Variants in ZNF407 observed in about 807,000 individuals in gnomAD.
The protein encoded by ZNF407 is zinc finger protein 407.
Under a neutral mutation model 131.2 loss-of-function variants are expected in ZNF407, and 17 were observed. That is an observed-to-expected ratio of 0.13 (90% CI 0.09 to 0.19). The LOEUF (loss-of-function observed/expected upper bound fraction) is 0.19, where lower values mean the gene tolerates loss of function less well. Ranked by LOEUF, ZNF407 falls within the 10% of genes least tolerant of loss-of-function variation. The probability of loss-of-function intolerance (pLI) is 1.00; values close to 1 mark genes in which losing one functional copy is unlikely to be tolerated. For missense variants in ZNF407, 2,681 were observed against 2,830.6 expected (o/e 0.95, Z 1.20); for synonymous variants, 1,156 against 1,062.0 (o/e 1.09, Z -1.72).
intron 8 of ZNF407, among the ~76,000 whole-genome samples, chr18:75,032,241 G>T (rs1023742806): frequency 3.9e-5 from 6 of 152,162 alleles, no homozygotes; most frequent in African/African-American, 1.4e-4. Context: ...CGATCTGGGG[G>T]CTGTTCCGAT....
chr18:74,895,211 G>GTTT (rs561337093), intron 7 of ZNF407, among the ~76,000 whole-genome samples: 8 of 144,404 alleles, frequency 5.5e-5, no homozygotes, highest in Admixed American at 1.4e-4. Context: ...ATCTTAAGAG[G>GTTT]TTTTTTTTTT....
intron 4 of ZNF407, among the ~76,000 whole-genome samples, chr18:74,838,036 C>T (rs1568236342): frequency 6.6e-6 from 1 of 152,172 alleles, no homozygotes. Context: ...TTATTACTTA[C>T]AGATATTATG....
At chr18:74,808,072 G>A (rs1302648895) in intron 4 of ZNF407, among the ~76,000 whole-genome samples, 3 of 151,872 alleles carry the variant, frequency 2.0e-5, no homozygotes, top group African/African-American at 7.3e-5. Context: ...GGAGTTCGAT[G>A]GCGCGATCTC....
At chr18:74,963,212 G>C (rs1244507834) in intron 8 of ZNF407, among the ~76,000 whole-genome samples, 2 of 150,492 alleles carry the variant, frequency 1.3e-5, no homozygotes, top group Non-Finnish European at 2.9e-5. Flanking sequence ...AAACCATTGG[G>C]TTATGCATTG....
intron 8 of ZNF407, among the ~76,000 whole-genome samples, chr18:74,921,828 G>T (rs976993224): frequency 6.6e-6 from 1 of 152,146 alleles, no homozygotes; most frequent in Non-Finnish European, 1.5e-5. Context: ...CACCAGAAAT[G>T]CGAGGTTCCA....
At chr18:74,650,894 G>A (rs2144709388) in intron 3 of ZNF407, among the ~76,000 whole-genome samples, 1 of 152,180 alleles carries the variant, frequency 6.6e-6, no homozygotes, top group Middle Eastern at 3.4e-3. Context: ...TTCCATTTCT[G>A]TAGTGGAGGG....
chr18:74,676,691 C>G (rs1164499817), intron 3 of ZNF407, among the ~76,000 whole-genome samples: 1 of 151,842 alleles, frequency 6.6e-6, no homozygotes, highest in Non-Finnish European at 1.5e-5. Context: ...GCCTTGGCCT[C>G]CCAGAATGCT....
chr18:74,624,220 C>T (rs1983690371), intron 1 of ZNF407, among the ~76,000 whole-genome samples: 1 of 152,104 alleles, frequency 6.6e-6, no homozygotes. Context: ...GCTTTCAGTT[C>T]ATGTTTGTTG....
chr18:74,948,311 C>T (rs1972177067), intron 8 of ZNF407, among the ~76,000 whole-genome samples: 1 of 152,140 alleles, frequency 6.6e-6, no homozygotes, highest in Non-Finnish European at 1.5e-5. Flanking sequence ...ACCTGCTGCT[C>T]GTTAATACAA....
intron 3 of ZNF407, among the ~76,000 whole-genome samples, chr18:74,687,952 ATAT>A: frequency 6.6e-6 from 1 of 152,312 alleles, no homozygotes; most frequent in African/African-American, 2.4e-5. Flanking sequence ...CTTTAAATAT[ATAT>A]TATTCTGAAT....
intron 8 of ZNF407, among the ~76,000 whole-genome samples, chr18:75,037,599 C>G (rs1479022718): frequency 6.6e-6 from 1 of 151,916 alleles, no homozygotes; most frequent in African/African-American, 2.4e-5. Context: ...GCTAATGAAG[C>G]CCGTCCGTCT....
At chr18:74,740,008 C>T (rs2144917118) in intron 3 of ZNF407, among the ~76,000 whole-genome samples, 1 of 152,264 alleles carries the variant, frequency 6.6e-6, no homozygotes, top group Middle Eastern at 3.4e-3. Flanking sequence ...GCATTAATTT[C>T]CTCTGGCTTC....
intron 3 of ZNF407, among the ~76,000 whole-genome samples, chr18:74,730,434 C>T (rs1476675414): frequency 6.6e-6 from 1 of 152,204 alleles, no homozygotes; most frequent in East Asian, 1.9e-4. Context: ...CACTTTTCCT[C>T]CTGACTGGAG....
intron 4 of ZNF407, among the ~76,000 whole-genome samples, chr18:74,855,011 T>C (rs1970840061): frequency 6.6e-6 from 1 of 152,216 alleles, no homozygotes. Context: ...TTCCAGTCTT[T>C]AGAACACACC....
chr18:74,691,664 T>C (rs1967226615), intron 3 of ZNF407, among the ~76,000 whole-genome samples: 1 of 152,206 alleles, frequency 6.6e-6, no homozygotes, highest in Admixed American at 6.5e-5. Context: ...CTTTTTTCTT[T>C]TTCTAATTTA....
intron 4 of ZNF407, among the ~76,000 whole-genome samples, chr18:74,868,774 G>A (rs1971047764): frequency 6.6e-6 from 1 of 152,156 alleles, no homozygotes; most frequent in Non-Finnish European, 1.5e-5. Flanking sequence ...TTCAATCTAT[G>A]TGTATTGACC....
Position 74,631,934 on chromosome 18 carries a change from A to G in ZNF407, c.915A>G (p.Pro305=), listed in dbSNP as rs1225961821. The G allele has an allele frequency of 2.5e-6, 4 of 1,614,020 alleles. No homozygotes were observed. Among genetic ancestry groups the G allele is most frequent in the Non-Finnish European group, 3.4e-6 (4 of 1,179,896 alleles). ...TMATKNVHSK[P]RTSKSIAKNS... is the part of the protein sequence containing the mutation. Reference sequence around the variant, plus strand: ...CAACAAAAAATGTTCACTCAAAACCAAGAACTTCTAAATCAATAGCAAAGA... The same window carrying G: ...CAACAAAAAATGTTCACTCAAAACCGAGAACTTCTAAATCAATAGCAAAGA... Residue 305 remains proline, a synonymous_variant, in exon 2 of 9, where the codon CCA becomes CCG. Transcript: ENST00000299687.
intron 7 of ZNF407, among the ~76,000 whole-genome samples, chr18:74,912,000 A>G (rs1393671017): frequency 1.3e-5 from 2 of 152,068 alleles, no homozygotes; most frequent in Admixed American, 6.6e-5. Flanking sequence ...TGTTGCCAGT[A>G]TTTCAAGACA....
At chr18:74,767,109 G>C (rs1339083348) in intron 3 of ZNF407, among the ~76,000 whole-genome samples, 1 of 151,996 alleles carries the variant, frequency 6.6e-6, no homozygotes, top group Non-Finnish European at 1.5e-5. Context: ...ACAGGGTTTT[G>C]CCATGTTGAT....
Sources: gnomAD v4.1 joint callset for allele counts (sites outside exome capture counted in the v4.1 genomes callset) on GRCh38, gnomAD v4.1.1 for gene constraint, MANE v1.5 for transcripts, NCBI Gene and HGNC (gene_info 2026-07-23, HGNC 2026-07-21) for gene names.